Variants in ADCY5 observed in about 807,000 individuals in gnomAD.
ADCY5 encodes the protein adenylate cyclase type 5.
A neutral mutation model predicts 119.7 loss-of-function variants in ADCY5; 30 were observed. That is an observed-to-expected ratio of 0.25 (90% CI 0.19 to 0.34). ADCY5 has a LOEUF of 0.34. Among genes scored for constraint, ADCY5 ranks in the 10% least tolerant of loss-of-function variants. The probability of loss-of-function intolerance (pLI) is 1.00; values close to 1 mark genes in which losing one functional copy is unlikely to be tolerated. For synonymous variants in ADCY5, 753 were observed against 762.2 expected (o/e 0.99, Z 0.20); for missense variants, 1,324 against 1,775.2 (o/e 0.75, Z 4.57).
intron 14 of ADCY5, 143 bp downstream of exon 14, chr3:123,302,910 TGA>T (rs1414867948): frequency 1.1e-6 from 1 of 900,290 alleles, no homozygotes; most frequent in African/African-American, 1.7e-5. Flanking sequence ...CATGTAGGAG[TGA>T]GAGATACTGG....
At chr3:123,388,923 G>C (rs1226577816) in intron 1 of ADCY5, among the ~76,000 whole-genome samples, 2 of 152,192 alleles carry the variant, frequency 1.3e-5, no homozygotes. Context: ...GGCACGCCAG[G>C]GAGTGAAGGA....
intron 11 of ADCY5, 149 bp from the exon 12 acceptor site, chr3:123,314,471 C>G (rs1576559075): frequency 3.1e-6 from 2 of 640,154 alleles, no homozygotes; most frequent in Non-Finnish European, 5.5e-6. Flanking sequence ...AGAGAGGGAA[C>G]CTGAAGTTGC....
At chr3:123,367,957 TG>T (rs2107524190) in intron 1 of ADCY5, 34 of 1,535,520 alleles carry the variant, frequency 2.2e-5, no homozygotes, top group Non-Finnish European at 3.0e-5. Context: ...GGGACAGGCC[TG>T]GGCCCTACCC....
chr3:123,292,103 G>A (rs1939190588), intron 17 of ADCY5, among the ~76,000 whole-genome samples: 1 of 152,252 alleles, frequency 6.6e-6, no homozygotes, highest in African/African-American at 2.4e-5. Context: ...CCTACAAGGG[G>A]CTGAAGGGAA....
At chr3:123,424,386 G>A (rs1181507080) in intron 1 of ADCY5, among the ~76,000 whole-genome samples, 1 of 152,212 alleles carries the variant, frequency 6.6e-6, no homozygotes, top group Non-Finnish European at 1.5e-5. Context: ...GTGGGGTCAG[G>A]CAGAGAAGCA....
At chr3:123,326,627 C>T (rs1199361131) in intron 7 of ADCY5, among the ~76,000 whole-genome samples, 3 of 152,152 alleles carry the variant, frequency 2.0e-5, no homozygotes, top group African/African-American at 7.2e-5. Context: ...AACTGGCCAA[C>T]GCTTACAAAC....
intron 12 of ADCY5, 102 bp downstream of exon 12, chr3:123,314,133 C>A: frequency 1.1e-6 from 1 of 889,814 alleles, no homozygotes; most frequent in Middle Eastern, 2.3e-4. Context: ...CTGCCAAGCA[C>A]AATACTCGGG....
At chr3:123,443,087 G>T (rs964896668) in intron 1 of ADCY5, among the ~76,000 whole-genome samples, 1 of 152,204 alleles carries the variant, frequency 6.6e-6, no homozygotes, top group East Asian at 1.9e-4. Context: ...TCTACCCAGC[G>T]TCTCACATGG....
At chr3:123,285,417 G>A (rs1436306592) in intron 20 of ADCY5, among the ~76,000 whole-genome samples, 1 of 151,650 alleles carries the variant, frequency 6.6e-6, no homozygotes, top group Non-Finnish European at 1.5e-5. Flanking sequence ...CTATCCCATT[G>A]CTGGGTGAAA....
chr3:123,414,953 T>C (rs1164429005), intron 1 of ADCY5, among the ~76,000 whole-genome samples: 1 of 152,110 alleles, frequency 6.6e-6, no homozygotes, highest in African/African-American at 2.4e-5. Flanking sequence ...GTTGCACAGG[T>C]AGTCATAGCC....
In ADCY5 at chr3:123,447,624, C is replaced by T. The variant is rs750645824; in HGVS notation, c.922G>A (p.Val308Met). The change falls in exon 1 of 21, where the codon GTG becomes ATG. Residue 308 changes from valine to methionine, a missense_variant. By Grantham distance (21) the Val-to-Met change is conservative. This residue lies in a region of ADCY5 where 585 missense variants were observed against 569.9 expected (regional missense o/e 1.03). Coordinates refer to ENST00000462833, the MANE Select transcript of ADCY5 (RefSeq NM_183357.3). Reference protein sequence around the residue: ...MGLACYALIAVVLAVQVVGLL... With the variant: ...MGLACYALIAMVLAVQVVGLL... Reference sequence around the variant, plus strand: ...CCCACCACCTGGACGGCCAGCACCACGGCGATGAGCGCATAGCAGGCCAGG... The same window carrying T: ...CCCACCACCTGGACGGCCAGCACCATGGCGATGAGCGCATAGCAGGCCAGG... 1 of 1,607,788 alleles carries T rather than the reference C, an allele frequency of 6.2e-7. No individual in the cohort carries two copies.
At chr3:123,302,485 G>A (rs1939903671) in intron 14 of ADCY5, among the ~76,000 whole-genome samples, 1 of 152,144 alleles carries the variant, frequency 6.6e-6, no homozygotes, top group East Asian at 1.9e-4. Flanking sequence ...GCTGGTTTGG[G>A]ACTGGGTTCC....
Position 123,352,224 on chromosome 3 carries a change from T to G in ADCY5, c.1284+208A>C, listed in dbSNP as rs1942861737. On this transcript the variant is annotated intron_variant, in intron 2 of 20. Transcript: ENST00000462833. This position sits in a 1 kb window ranked among gnomAD's most constrained non-coding sequence, Gnocchi z 4.8. ...CCACATGGCTATGGGCACCAGGCCT[T>G]GGGCACGGGCTGGGTAGAACTCACT... is the stretch of plus-strand genomic sequence containing the variant. 6.6e-6 allele frequency among the ~76,000 whole-genome samples: 1 copy of G among 152,114 alleles called. No individual in the cohort carries two copies. The highest frequency in any genetic ancestry group is 1.5e-5 in the Non-Finnish European group (1 of 67,986).
At chr3:123,430,530 C>T (rs575585409) in intron 1 of ADCY5, among the ~76,000 whole-genome samples, 2 of 152,362 alleles carry the variant, frequency 1.3e-5, no homozygotes, top group African/African-American at 4.8e-5. Context: ...GCAAAGGCAG[C>T]AACACCCCGC....
rs74320471 is a variant in ADCY5 at position 123,312,834 on chromosome 3, T to C, written c.2442+1401A>G. Among the ~76,000 whole-genome samples, 895 of 152,366 alleles carry C rather than the reference T, an allele frequency of 5.9e-3. 11 individuals carry two copies. The highest frequency in any genetic ancestry group is 0.02 in the African/African-American group (841 of 41,588). On this transcript the variant is annotated intron_variant, in intron 12 of 20. Coordinates refer to ENST00000462833, the MANE Select transcript of ADCY5 (RefSeq NM_183357.3). ...GCTTGGGTTGTTTCTGCTTTGTGGC[T>C]ACTGAGAAAATACAGCATCCTTTCA... is the stretch of plus-strand genomic sequence containing the variant.
intron 1 of ADCY5, among the ~76,000 whole-genome samples, chr3:123,365,035 G>A (rs1321633498): frequency 6.6e-6 from 1 of 151,750 alleles, no homozygotes; most frequent in African/African-American, 2.4e-5. Context: ...CTGGGTTCAA[G>A]TAATTCTCCT....
intron 1 of ADCY5, among the ~76,000 whole-genome samples, chr3:123,432,895 G>A (rs1434031665): frequency 3.3e-5 from 5 of 152,110 alleles, no homozygotes; most frequent in Admixed American, 6.5e-5. Context: ...TAGAGGAGAT[G>A]CCAGCCCAGG....
At chr3:123,399,799 C>T (rs144223339) in intron 1 of ADCY5, among the ~76,000 whole-genome samples, 24 of 152,296 alleles carry the variant, frequency 1.6e-4, no homozygotes, top group South Asian at 1.2e-3. Flanking sequence ...CATAACAGCA[C>T]ATTTCATTTG....
At chr3:123,387,862 G>A (rs897839092) in intron 1 of ADCY5, among the ~76,000 whole-genome samples, 1 of 152,194 alleles carries the variant, frequency 6.6e-6, no homozygotes, top group Non-Finnish European at 1.5e-5. Context: ...ACAACAGCTG[G>A]TCACGGTGTG....
Sources: gnomAD v4.1 joint callset for allele counts (sites outside exome capture counted in the v4.1 genomes callset) on GRCh38, gnomAD v4.1.1 for gene constraint, gnomAD v4.1.1 regional missense constraint, Gnocchi (gnomAD v3.1) non-coding constraint, MANE v1.5 for transcripts, NCBI Gene and HGNC (gene_info 2026-07-23, HGNC 2026-07-21) for gene names.